Variants in RHOJ observed in about 807,000 individuals in gnomAD.
RHOJ encodes the protein rho-related GTP-binding protein RhoJ.
A neutral mutation model predicts 23.4 loss-of-function variants in RHOJ; 11 were observed. That is an observed-to-expected ratio of 0.47 (90% CI 0.30 to 0.78). RHOJ has a LOEUF of 0.78. Among genes scored for constraint, RHOJ ranks in the 30% least tolerant of loss-of-function variants. The pLI, the probability that RHOJ is intolerant of heterozygous loss-of-function variation, is 0.08. For synonymous variants in RHOJ, 102 were observed against 102.7 expected (o/e 0.99, Z 0.04); for missense variants, 254 against 273.4 (o/e 0.93, Z 0.50).
intron 1 of RHOJ, among the ~76,000 whole-genome samples, chr14:63,209,796 TG>T (rs1469525084): frequency 1.3e-5 from 2 of 152,092 alleles, no homozygotes; most frequent in Admixed American, 1.3e-4. Flanking sequence ...GATGAATAAA[TG>T]AACAAATTGC....
At chr14:63,277,302 A>G (rs1403087819) in intron 2 of RHOJ, among the ~76,000 whole-genome samples, 1 of 152,230 alleles carries the variant, frequency 6.6e-6, no homozygotes, top group Non-Finnish European at 1.5e-5. Flanking sequence ...AGTTTGAAAC[A>G]ATGGCTGACC....
At chr14:63,278,353 A>C (rs1001018060) in intron 2 of RHOJ, among the ~76,000 whole-genome samples, 1 of 152,136 alleles carries the variant, frequency 6.6e-6, no homozygotes, top group Non-Finnish European at 1.5e-5. Flanking sequence ...CATACTTAAC[A>C]TTCTAAGGTA....
At chr14:63,234,064 G>C (rs1268062933) in intron 1 of RHOJ, among the ~76,000 whole-genome samples, 1 of 152,182 alleles carries the variant, frequency 6.6e-6, no homozygotes, top group Non-Finnish European at 1.5e-5. Flanking sequence ...AAGCCACCTG[G>C]TGTGTACAAC....
At chr14:63,215,851 T>C (rs1403470352) in intron 1 of RHOJ, among the ~76,000 whole-genome samples, 1 of 152,150 alleles carries the variant, frequency 6.6e-6, no homozygotes, top group African/African-American at 2.4e-5. Flanking sequence ...TACTTTTATG[T>C]CCTCCATACC....
chr14:63,221,246 C>G (rs1894487320), intron 1 of RHOJ, among the ~76,000 whole-genome samples: 1 of 152,120 alleles, frequency 6.6e-6, no homozygotes, highest in South Asian at 2.1e-4. Context: ...GGGAGGATTG[C>G]TTGACCCCAG....
intron 1 of RHOJ, among the ~76,000 whole-genome samples, chr14:63,214,780 A>G (rs1346210815): frequency 6.6e-6 from 1 of 152,162 alleles, no homozygotes; most frequent in Admixed American, 6.5e-5. Flanking sequence ...ACCCAAGGGC[A>G]GCCATGGGTA....
chr14:63,251,241 G>T (rs535241283), intron 1 of RHOJ, among the ~76,000 whole-genome samples: 1 of 152,198 alleles, frequency 6.6e-6, no homozygotes, highest in Admixed American at 6.5e-5. Flanking sequence ...CTAGCACCCA[G>T]CTTTGCCCCT....
At chr14:63,246,355 A>AT (rs1299364702) in intron 1 of RHOJ, among the ~76,000 whole-genome samples, 2 of 152,228 alleles carry the variant, frequency 1.3e-5, no homozygotes, top group Non-Finnish European at 2.9e-5. Flanking sequence ...GTTCAGGGAA[A>AT]TTGGGCTTAA....
rs989062870 is a variant in RHOJ at position 63,273,414 on chromosome 14, T to C, written c.237+4246T>C. Among the ~76,000 whole-genome samples, 71 of 152,326 alleles carry C rather than the reference T, an allele frequency of 4.7e-4. 1 individual carries two copies. Among genetic ancestry groups the C allele is most frequent in the African/African-American group, 1.6e-3 (66 of 41,576 alleles). On this transcript the variant is annotated intron_variant, in intron 2 of 4. Coordinates refer to ENST00000316754, the MANE Select transcript of RHOJ (RefSeq NM_020663.5). ...AGAGCTCAGATCTTTGGCTCAGCTA[T>C]GAAAGAGTCCCAGAGCTGACTTTCC...
chr14:63,259,508 T>C (rs1895236787), intron 1 of RHOJ, among the ~76,000 whole-genome samples: 1 of 152,218 alleles, frequency 6.6e-6, no homozygotes, highest in Non-Finnish European at 1.5e-5. Flanking sequence ...TTTTTATTTG[T>C]AGGTGCTTTG....
At chr14:63,241,876 T>C (rs184228810) in intron 1 of RHOJ, among the ~76,000 whole-genome samples, 5 of 152,360 alleles carry the variant, frequency 3.3e-5, no homozygotes, top group African/African-American at 1.2e-4. Flanking sequence ...AATTAAAAGT[T>C]CATTGGTGAA....
At chr14:63,220,295 C>A (rs1341480919) in intron 1 of RHOJ, among the ~76,000 whole-genome samples, 1 of 151,828 alleles carries the variant, frequency 6.6e-6, no homozygotes, top group Non-Finnish European at 1.5e-5. Context: ...AGACAGTGAT[C>A]CTCCTCTATT....
At chr14:63,266,937 A>G (rs1895378455) in intron 1 of RHOJ, among the ~76,000 whole-genome samples, 1 of 152,156 alleles carries the variant, frequency 6.6e-6, no homozygotes, top group Admixed American at 6.5e-5. Flanking sequence ...AGACATATGC[A>G]CAGCCAGCAG....
In RHOJ at chr14:63,242,556, C is replaced by A. The variant is rs573439328; in HGVS notation, c.179-26554C>A. Reference sequence around the variant, plus strand: ...GCACTCCAGGACGACAGAGCAAGATCCTGTCTCAAAAAAGAAAAAAGGGGG... The same window carrying A: ...GCACTCCAGGACGACAGAGCAAGATACTGTCTCAAAAAAGAAAAAAGGGGG... On this transcript the variant is annotated intron_variant, in intron 1 of 4. Coordinates refer to ENST00000316754, the MANE Select transcript of RHOJ (RefSeq NM_020663.5). 4.6e-5 allele frequency among the ~76,000 whole-genome samples: 7 copies of A among 152,148 alleles called. No homozygotes were observed. In the East Asian group the frequency reaches 1.2e-3, roughly 25 times the overall value.
intron 1 of RHOJ, among the ~76,000 whole-genome samples, chr14:63,209,100 C>G (rs947236318): frequency 1.3e-5 from 2 of 152,106 alleles, no homozygotes; most frequent in Non-Finnish European, 2.9e-5. Flanking sequence ...AAAATACATC[C>G]CAAACCTGAT....
At chr14:63,206,098 T>C (rs1361588145) in intron 1 of RHOJ, among the ~76,000 whole-genome samples, 1 of 152,190 alleles carries the variant, frequency 6.6e-6, no homozygotes, top group African/African-American at 2.4e-5. Flanking sequence ...TGCTTGGCAA[T>C]GTGGCCATTT....
At chr14:63,217,592 A>C (rs1247061067) in intron 1 of RHOJ, among the ~76,000 whole-genome samples, 1 of 152,112 alleles carries the variant, frequency 6.6e-6, no homozygotes, top group Non-Finnish European at 1.5e-5. Context: ...AAACCCTAGA[A>C]GAAAACCTAG....
chr14:63,239,403 C>G lies in RHOJ; in HGVS notation c.179-29707C>G, dbSNP rs529829504. On this transcript the variant is annotated intron_variant, in intron 1 of 4. Coordinates refer to ENST00000316754, the MANE Select transcript of RHOJ (RefSeq NM_020663.5). ...CTAGGATTACAGGCATGAGCCACTGCACCCGGCCAACAACTCATTTTAAAG... is the reference window on the plus strand; with the variant it reads ...CTAGGATTACAGGCATGAGCCACTGGACCCGGCCAACAACTCATTTTAAAG... Among the ~76,000 whole-genome samples, 182 of 152,330 alleles carry G rather than the reference C, an allele frequency of 1.2e-3. 1 individual carries two copies. The highest frequency in any genetic ancestry group is 2.0e-3 in the Non-Finnish European group (136 of 68,038).
At chr14:63,276,636 A>G (rs957685814) in intron 2 of RHOJ, among the ~76,000 whole-genome samples, 1 of 152,114 alleles carries the variant, frequency 6.6e-6, no homozygotes, top group African/African-American at 2.4e-5. Context: ...AATACAGAGC[A>G]CGGTGAGCCC....
Sources: gnomAD v4.1 joint callset for allele counts (sites outside exome capture counted in the v4.1 genomes callset) on GRCh38, gnomAD v4.1.1 for gene constraint, MANE v1.5 for transcripts, NCBI Gene and HGNC (gene_info 2026-07-23, HGNC 2026-07-21) for gene names.